Variants in RBMS1 observed in about 807,000 individuals in gnomAD.
RBMS1 encodes the protein RNA-binding motif, single-stranded-interacting protein 1.
Under a neutral mutation model 62.3 loss-of-function variants are expected in RBMS1, and 17 were observed. The observed-to-expected ratio is 0.27, with a 90% confidence interval of 0.19 to 0.41. The LOEUF is 0.41. Ranked by LOEUF, RBMS1 falls within the 10% of genes least tolerant of loss-of-function variation. RBMS1 has a pLI of 1.00. For synonymous variants in RBMS1, 172 were observed against 170.0 expected, an observed-to-expected ratio of 1.01 and a Z score of -0.09; for missense variants, 334 against 504.5, an observed-to-expected ratio of 0.66 and a Z score of 3.24.
intron 3 of RBMS1, among the ~76,000 whole-genome samples, chr2:160,315,844 T>C (rs1011924314): frequency 2.0e-5 from 3 of 152,224 alleles, no homozygotes; most frequent in Admixed American, 1.3e-4. Context: ...AGCAACTGAA[T>C]TGTGAATTTT....
intron 1 of RBMS1, among the ~76,000 whole-genome samples, chr2:160,398,492 A>T (rs1695260134): frequency 6.6e-6 from 1 of 152,174 alleles, no homozygotes; most frequent in South Asian, 2.1e-4. Context: ...CATCTCCCCA[A>T]CCAAAATAAC....
intron 1 of RBMS1, among the ~76,000 whole-genome samples, chr2:160,408,225 T>C (rs1317013119): frequency 3.3e-5 from 5 of 151,664 alleles, no homozygotes; most frequent in Non-Finnish European, 7.4e-5. Flanking sequence ...GCACCCCGGC[T>C]CGAAGCCCCT....
intron 1 of RBMS1, among the ~76,000 whole-genome samples, chr2:160,481,560 T>C (rs1285948106): frequency 6.6e-6 from 1 of 152,080 alleles, no homozygotes; most frequent in Non-Finnish European, 1.5e-5. Flanking sequence ...TGATGAAGGA[T>C]TGTATCCAAA....
intron 1 of RBMS1, among the ~76,000 whole-genome samples, chr2:160,403,147 AG>A (rs1310004483): frequency 6.6e-6 from 1 of 152,248 alleles, no homozygotes; most frequent in Admixed American, 6.5e-5. Context: ...ATGTATGGGT[AG>A]ATTTTAAAAT....
chr2:160,345,208 A>G (rs939178903), intron 2 of RBMS1, among the ~76,000 whole-genome samples: 1 of 152,168 alleles, frequency 6.6e-6, no homozygotes, highest in Non-Finnish European at 1.5e-5. Context: ...AGACTAGTAG[A>G]CAGAAAAACA....
At chr2:160,292,828 A>G (rs930034881) in intron 6 of RBMS1, among the ~76,000 whole-genome samples, 7 of 152,216 alleles carry the variant, frequency 4.6e-5, no homozygotes, top group Admixed American at 3.9e-4. Context: ...GAACACTGGC[A>G]CATCTCAGGT....
At chr2:160,470,364 T>C (rs1684867174) in intron 1 of RBMS1, among the ~76,000 whole-genome samples, 3 of 152,218 alleles carry the variant, frequency 2.0e-5, no homozygotes, top group Admixed American at 1.3e-4. Flanking sequence ...TACTCTAACA[T>C]AAAATATGTT....
At chr2:160,368,150 A>T (rs1406587868) in intron 1 of RBMS1, among the ~76,000 whole-genome samples, 1 of 152,198 alleles carries the variant, frequency 6.6e-6, no homozygotes, top group African/African-American at 2.4e-5. Flanking sequence ...GCACCGACTG[A>T]AAGAAACCAC....
chr2:160,314,855 T>A (rs1000984020), intron 3 of RBMS1, among the ~76,000 whole-genome samples: 14 of 152,218 alleles, frequency 9.2e-5, no homozygotes, highest in African/African-American at 3.4e-4. Flanking sequence ...GATGTTTTTT[T>A]AGACATCTGT....
intron 9 of RBMS1, chr2:160,282,290 G>C (rs1351530731): frequency 7.3e-7 from 1 of 1,367,882 alleles, no homozygotes; most frequent in African/African-American, 1.5e-5. Context: ...TGTTTTCTCT[G>C]GTTTCCTTTG....
Position 160,274,140 on chromosome 2 carries a change from A to C in RBMS1, c.*632T>G, listed in dbSNP as rs1400883642. 6.6e-6 allele frequency: 1 copy of C among 152,656 alleles called. No homozygotes were observed. Among genetic ancestry groups the C allele is most frequent in the Non-Finnish European group, 1.5e-5 (1 of 68,040 alleles). The allele number at this position is 152,656 out of a possible 1,614,324, so 9.5% of individuals were successfully genotyped here. A position where few individuals can be genotyped will look rare whatever the true frequency, so the allele number is the denominator to read the frequency against. ...AGTTTGAACTAACTTTTACTGAAAC[A>C]GCTACAGCATCAAAAGAGTTAAGGC... On this transcript the variant is annotated 3_prime_UTR_variant, in exon 14 of 14. Coordinates refer to ENST00000348849, the MANE Select transcript of RBMS1 (RefSeq NM_016836.4).
At chr2:160,355,416 C>T (rs1330725346) in intron 2 of RBMS1, among the ~76,000 whole-genome samples, 1 of 152,068 alleles carries the variant, frequency 6.6e-6, no homozygotes, top group Non-Finnish European at 1.5e-5. Context: ...ATGAGAATTT[C>T]CAGGTAAGAA....
At chr2:160,403,517 TCACGTGCAGCTA>T (rs1387600548) in intron 1 of RBMS1, among the ~76,000 whole-genome samples, 5 of 152,232 alleles carry the variant, frequency 3.3e-5, no homozygotes, top group Non-Finnish European at 5.9e-5. Context: ...GTTGAATTCC[TCACGTGCAGCTA>T]CACCCAGTTA....
At chr2:160,372,509 CA>C (rs1693780370) in intron 1 of RBMS1, among the ~76,000 whole-genome samples, 1 of 152,208 alleles carries the variant, frequency 6.6e-6, no homozygotes. Flanking sequence ...AGTATAAGAT[CA>C]AGCCTGAAAT....
intron 1 of RBMS1, among the ~76,000 whole-genome samples, chr2:160,372,793 G>A (rs1025513041): frequency 8.5e-5 from 13 of 152,264 alleles, no homozygotes; most frequent in African/African-American, 3.1e-4. Context: ...CTAAATGTGG[G>A]AGGTGAACTG....
At chr2:160,471,478 T>A (rs1025635820) in intron 1 of RBMS1, among the ~76,000 whole-genome samples, 1 of 151,684 alleles carries the variant, frequency 6.6e-6, no homozygotes, top group Non-Finnish European at 1.5e-5. Context: ...CATCAACTTA[T>A]GGAAAAATTA....
rs1264864960 is a variant in RBMS1, at chr2:160,393,936, G to A, written c.76-26545C>T. The stretch of plus-strand genomic sequence containing the variant: ...TAAGTACTGGGAAAAGCTCATCTCT[G>A]GGTCCTTTTGGCCTAGTATACTACA... On this transcript the variant is annotated intron_variant, in intron 1 of 13. Coordinates refer to ENST00000348849, the MANE Select transcript of RBMS1 (RefSeq NM_016836.4). Among the ~76,000 whole-genome samples, 9 of 152,252 alleles carry A rather than the reference G, an allele frequency of 5.9e-5. No individual in the cohort carries two copies. In the East Asian group the frequency reaches 1.7e-3, roughly 29 times the overall value.
intron 2 of RBMS1, among the ~76,000 whole-genome samples, chr2:160,353,139 C>A (rs997585161): frequency 2.0e-5 from 3 of 152,060 alleles, no homozygotes; most frequent in Admixed American, 1.3e-4. Flanking sequence ...TTGAGTTTAT[C>A]AAAACTGTCT....
chr2:160,456,594 T>C (rs1306591766), intron 1 of RBMS1, among the ~76,000 whole-genome samples: 2 of 152,234 alleles, frequency 1.3e-5, no homozygotes, highest in African/African-American at 4.8e-5. Flanking sequence ...GAGCATAATT[T>C]AAACATTAGC....
Sources: gnomAD v4.1 joint callset for allele counts (sites outside exome capture counted in the v4.1 genomes callset) on GRCh38, gnomAD v4.1.1 for gene constraint, MANE v1.5 for transcripts, NCBI Gene and HGNC (gene_info 2026-07-23, HGNC 2026-07-21) for gene names.